Variants in GPC5 observed in about 807,000 individuals in gnomAD.
The protein encoded by GPC5 is glypican 5, also known as glypican-5.
Under a neutral mutation model 53.9 loss-of-function variants are expected in GPC5, and 47 were observed. That is an observed-to-expected ratio of 0.87 (90% confidence interval 0.69 to 1.11). The LOEUF is 1.11. Ranked by LOEUF, GPC5 falls within the 50% of genes most tolerant of loss-of-function variation. The probability of loss-of-function intolerance (pLI) is 0.00; values close to 1 mark genes in which losing one functional copy is unlikely to be tolerated. For missense variants in GPC5, 748 were observed against 713.1 expected (o/e 1.05, Z -0.56); for synonymous variants, 286 against 263.3 (o/e 1.09, Z -0.84).
intron 6 of GPC5, among the ~76,000 whole-genome samples, chr13:91,992,458 ACT>A (rs1491475352): frequency 1.4e-4 from 17 of 122,322 alleles, no homozygotes; most frequent in South Asian, 3.0e-4. Context: ...GAAGCTATTT[ACT>A]TTTTTTTTTT....
intron 7 of GPC5, among the ~76,000 whole-genome samples, chr13:92,818,920 T>G (rs1194175613): frequency 6.6e-6 from 1 of 152,008 alleles, no homozygotes; most frequent in Admixed American, 6.5e-5. Flanking sequence ...GTGAAAGAGA[T>G]AGATTAAATT....
intron 6 of GPC5, among the ~76,000 whole-genome samples, chr13:91,935,360 C>A (rs1025428605): frequency 2.0e-5 from 3 of 151,920 alleles, no homozygotes; most frequent in Admixed American, 6.6e-5. Context: ...TAAGCCATGA[C>A]TGCAGAGCCC....
intron 6 of GPC5, among the ~76,000 whole-genome samples, chr13:92,125,267 TC>T (rs1326296746): frequency 6.6e-6 from 1 of 152,066 alleles, no homozygotes; most frequent in Non-Finnish European, 1.5e-5. Context: ...AGAGTGAGAG[TC>T]AGAGGCCACA....
chr13:91,452,962 G>A (rs1881285529), intron 2 of GPC5, among the ~76,000 whole-genome samples: 1 of 151,448 alleles, frequency 6.6e-6, no homozygotes, highest in African/African-American at 2.4e-5. Flanking sequence ...AAAATATATG[G>A]TGGATACTAA....
At chr13:92,850,666 GAAAGGTC>G (rs1878765186) in intron 7 of GPC5, among the ~76,000 whole-genome samples, 2 of 152,084 alleles carry the variant, frequency 1.3e-5, no homozygotes, top group Non-Finnish European at 2.9e-5. Flanking sequence ...GGTTAAAGAA[GAAAGGTC>G]TATAAAGTAA....
intron 5 of GPC5, among the ~76,000 whole-genome samples, chr13:91,809,736 T>C (rs1250310682): frequency 2.6e-5 from 4 of 152,034 alleles, no homozygotes; most frequent in African/African-American, 7.2e-5. Flanking sequence ...AGAATACATA[T>C]GGCCCAAAGA....
At chr13:91,669,153 G>C (rs2035185690) in intron 2 of GPC5, among the ~76,000 whole-genome samples, 1 of 152,058 alleles carries the variant, frequency 6.6e-6, no homozygotes, top group Non-Finnish European at 1.5e-5. Context: ...TTAGAATGTG[G>C]TTACATTGTA....
chr13:91,991,431 G>T (rs1475565250), intron 6 of GPC5, among the ~76,000 whole-genome samples: 1 of 152,258 alleles, frequency 6.6e-6, no homozygotes, highest in East Asian at 1.9e-4. Flanking sequence ...TTTTCCTTCT[G>T]AATGGTAGTT....
chr13:92,028,471 C>T (rs1401598512), intron 6 of GPC5, among the ~76,000 whole-genome samples: 15 of 152,076 alleles, frequency 9.9e-5, no homozygotes, highest in Admixed American at 9.2e-4. Context: ...CTTTTAATTT[C>T]AGGTGACCGT....
At chr13:92,830,914 A>G (rs1878024730) in intron 7 of GPC5, among the ~76,000 whole-genome samples, 1 of 152,146 alleles carries the variant, frequency 6.6e-6, no homozygotes, top group South Asian at 2.1e-4. Context: ...AAAACTGCCT[A>G]TTTATTTTTA....
At chr13:92,456,204 C>A (rs550703502) in intron 7 of GPC5, among the ~76,000 whole-genome samples, 64 of 152,222 alleles carry the variant, frequency 4.2e-4, no homozygotes, top group Non-Finnish European at 7.9e-4. Flanking sequence ...TTCCTTTCTG[C>A]TGTATAATTT....
intron 7 of GPC5, among the ~76,000 whole-genome samples, chr13:92,556,543 A>G (rs1882499988): frequency 6.6e-6 from 1 of 151,840 alleles, no homozygotes; most frequent in African/African-American, 2.4e-5. Flanking sequence ...TGCAATCTTC[A>G]GTGAACTTAC....
At chr13:92,519,462 G>T (rs1356542922) in intron 7 of GPC5, among the ~76,000 whole-genome samples, 1 of 152,138 alleles carries the variant, frequency 6.6e-6, no homozygotes, top group Non-Finnish European at 1.5e-5. Context: ...CTAGAACTCA[G>T]GATTAAGAAA....
At chr13:92,708,548 C>G (rs150133804) in intron 7 of GPC5, among the ~76,000 whole-genome samples, 2 of 152,238 alleles carry the variant, frequency 1.3e-5, no homozygotes, top group African/African-American at 4.8e-5. Context: ...AAGTCTTTGA[C>G]TTTTCCTGAT....
At position 92,333,937 on chromosome 13, in the gene GPC5, G is replaced by GCAAAA. The variant is rs532467445; in HGVS notation, c.1561+188968_1561+188972dup. 3.1e-4 allele frequency among the ~76,000 whole-genome samples: 47 copies of GCAAAA among 151,932 alleles called. 1 individual carries two copies. The South Asian group carries it at 7.3e-3, about 23-fold the overall frequency. On this transcript the variant is annotated intron_variant, in intron 7 of 7. Coordinates refer to ENST00000377067, the MANE Select transcript of GPC5 (RefSeq NM_004466.6). Reference sequence around the variant, plus strand: ...ATTTAAACAGAGATAGAAATCCTAAGCAAAACAAAACAAAACAAAACAAAC... The same window carrying GCAAAA: ...ATTTAAACAGAGATAGAAATCCTAAGCAAAACAAAACAAAACAAAACAAAACAAAC...
chr13:92,835,743 A>T (rs1324172590), intron 7 of GPC5, among the ~76,000 whole-genome samples: 1 of 152,044 alleles, frequency 6.6e-6, no homozygotes, highest in Non-Finnish European at 1.5e-5. Flanking sequence ...CATATATTTT[A>T]AAATATATAG....
intron 5 of GPC5, among the ~76,000 whole-genome samples, chr13:91,852,887 G>C (rs1054118940): frequency 6.6e-6 from 1 of 152,032 alleles, no homozygotes; most frequent in African/African-American, 2.4e-5. Flanking sequence ...CTTCATTTCA[G>C]ATATTTTCGT....
intron 7 of GPC5, among the ~76,000 whole-genome samples, chr13:92,849,335 G>A (rs1035890750): frequency 2.6e-5 from 4 of 152,168 alleles, no homozygotes; most frequent in Admixed American, 6.5e-5. Flanking sequence ...AATATTTAGA[G>A]GTTGAAGTAT....
chr13:92,039,612 A>G (rs571865178), intron 6 of GPC5, among the ~76,000 whole-genome samples: 4 of 152,232 alleles, frequency 2.6e-5, no homozygotes, highest in Non-Finnish European at 4.4e-5. Flanking sequence ...TACCACAGGC[A>G]GGGTCGCTTA....
Sources: gnomAD v4.1 joint callset for allele counts (sites outside exome capture counted in the v4.1 genomes callset) on GRCh38, gnomAD v4.1.1 for gene constraint, MANE v1.5 for transcripts, NCBI Gene and HGNC (gene_info 2026-07-23, HGNC 2026-07-21) for gene names.